SYTL3: variants seen among roughly 807,000 people sequenced by gnomAD.
SYTL3 encodes synaptotagmin like 3.
A neutral mutation model predicts 82.1 loss-of-function variants in SYTL3; 88 were observed. The observed-to-expected ratio is 1.07, with a 90% CI of 0.90 to 1.28. The LOEUF (loss-of-function observed/expected upper bound fraction) is 1.28, where lower values mean the gene tolerates loss of function less well. SYTL3 is among the 50% of genes most tolerant of loss of function. The pLI, the probability that SYTL3 is intolerant of heterozygous loss-of-function variation, is 0.00. For synonymous variants in SYTL3, 311 were observed against 289.4 expected (o/e 1.07, Z -0.76); for missense variants, 831 against 757.6 (o/e 1.10, Z -1.14).
intron 2 of SYTL3, among the ~76,000 whole-genome samples, chr6:158,660,519 G>C (rs1452244288): frequency 2.0e-5 from 3 of 152,248 alleles, no homozygotes; most frequent in African/African-American, 7.2e-5. Context: ...GCTTTGTAAT[G>C]ATCATTGAAC....
At chr6:158,734,086 C>A (rs1785808687) in intron 11 of SYTL3, among the ~76,000 whole-genome samples, 1 of 119,850 alleles carries the variant, frequency 8.3e-6, no homozygotes, top group Non-Finnish European at 1.6e-5. Context: ...CAGAGCGAGA[C>A]CCTGTCTCAA....
In SYTL3 at chr6:158,757,250, C is replaced by CA. The variant is rs753181828; in HGVS notation, c.1178dup (p.Val394GlyfsTer28). On this transcript the variant is annotated frameshift_variant, in exon 14 of 18. Transcript: ENST00000611299. LOFTEE classifies it high-confidence loss of function. ...TGCCCAGCTGGTGACCCGGCAGCTG[C>CA]AGGTCTCGGTGTGGCATCTGGGCAC... The CA allele has an allele frequency of 6.2e-7, 1 of 1,612,422 alleles. No individual in the cohort carries two copies. The highest frequency in any genetic ancestry group is 2.2e-5 in the East Asian group (1 of 44,844).
At chr6:158,717,896 ACT>A (rs1466653991) in intron 9 of SYTL3, among the ~76,000 whole-genome samples, 189 bp from the exon 10 acceptor site, 1 of 152,148 alleles carries the variant, frequency 6.6e-6, no homozygotes, top group South Asian at 2.1e-4. Flanking sequence ...GACCCAGCAC[ACT>A]GTCTGCTCAC....
intron 12 of SYTL3, 55 bp from the exon 13 acceptor site, chr6:158,751,873 T>G (rs1448124481): frequency 1.2e-5 from 16 of 1,353,166 alleles, no homozygotes; most frequent in Non-Finnish European, 1.5e-5. Flanking sequence ...CCCAAACTCT[T>G]TATCCACCCC....
chr6:158,653,919 A>G (rs1265781615), intron 2 of SYTL3, among the ~76,000 whole-genome samples: 1 of 152,244 alleles, frequency 6.6e-6, no homozygotes, highest in Non-Finnish European at 1.5e-5. Context: ...ATTGGATGAA[A>G]GAAATAGGGG....
chr6:158,742,128 C>T (rs1018141335), intron 11 of SYTL3, among the ~76,000 whole-genome samples: 1 of 152,188 alleles, frequency 6.6e-6, no homozygotes, highest in Admixed American at 6.5e-5. Context: ...TGTCTAACAT[C>T]ATTTCCATAG....
In SYTL3 at chr6:158,674,085, AAATAATAATAATAAT is replaced by A. The variant is rs71298903; in HGVS notation, c.329+8494_329+8508del. Among the ~76,000 whole-genome samples, 38 of 126,048 alleles carry A rather than the reference AAATAATAATAATAAT, an allele frequency of 3.0e-4. 1 individual carries two copies. The East Asian group carries it at 0.014, about 48-fold the overall frequency. 82.7% of individuals were successfully genotyped at this position (126,048 alleles called of 152,430 possible). ...GGCAACATAGTGAGACTGTGTCTCA[AAATAATAATAATAAT>A]AATAATAATAATAATAATAATGATG... On this transcript the variant is annotated intron_variant, in intron 5 of 17. Transcript: ENST00000611299.
chr6:158,715,054 G>GT (rs1305112705), intron 9 of SYTL3, among the ~76,000 whole-genome samples: 1 of 152,192 alleles, frequency 6.6e-6, no homozygotes, highest in African/African-American at 2.4e-5. Context: ...CTCTCTGACA[G>GT]TAACCCCTGC....
chr6:158,685,221 T>TC, intron 6 of SYTL3, among the ~76,000 whole-genome samples: 1 of 151,346 alleles, frequency 6.6e-6, no homozygotes, highest in East Asian at 1.9e-4. Context: ...TCTCTCTTTT[T>TC]TTTTTTTTTT....
At chr6:158,675,811 G>A (rs888913683) in intron 5 of SYTL3, among the ~76,000 whole-genome samples, 11 of 152,232 alleles carry the variant, frequency 7.2e-5, no homozygotes, top group South Asian at 2.1e-4. Flanking sequence ...TTAGCCGGGC[G>A]CGGTGGTGGG....
chr6:158,693,855 C>CTTTTCTTTTTTTTTTTTTTTTTTTTTTT (rs71030191), intron 6 of SYTL3, among the ~76,000 whole-genome samples: 1 of 96,866 alleles, frequency 1.0e-5, no homozygotes, highest in Non-Finnish European at 1.9e-5. Flanking sequence ...TTTTTCTTTT[C>CTTTTCTTTTTTTTTTTTTTTTTTTTTTT]TTTTTTTTTT....
chr6:158,764,719 T>TC lies in SYTL3; in HGVS notation c.*117dup. Reference sequence around the variant, plus strand: ...GAGACCCCTTTGACCTTGAGCAGTCTCCATCTGCGGCCCTGTCCCATGGCT... The same window carrying TC: ...GAGACCCCTTTGACCTTGAGCAGTCTCCCATCTGCGGCCCTGTCCCATGGCT... On this transcript the variant is annotated 3_prime_UTR_variant, in exon 18 of 18. Transcript: ENST00000611299. 1 of 701,856 alleles carries TC rather than the reference T, an allele frequency of 1.4e-6. No individual in the cohort carries two copies. The highest frequency in any genetic ancestry group is 2.6e-5 in the East Asian group (1 of 39,078). The allele number at this position is 701,856 out of a possible 1,614,324, so 43.5% of individuals were successfully genotyped here. A position where few individuals can be genotyped will look rare whatever the true frequency, so the allele number is the denominator to read the frequency against.
intron 6 of SYTL3, among the ~76,000 whole-genome samples, chr6:158,703,243 G>A (rs1318912901): frequency 6.6e-6 from 1 of 151,852 alleles, no homozygotes; most frequent in East Asian, 1.9e-4. Flanking sequence ...GCCGTGCCTG[G>A]CAGACACGGC....
intron 2 of SYTL3, among the ~76,000 whole-genome samples, chr6:158,656,350 C>T (rs539357473): frequency 2.6e-5 from 4 of 152,206 alleles, no homozygotes; most frequent in East Asian, 3.9e-4. Flanking sequence ...TGCATGTGGT[C>T]GTTTGCCTGC....
chr6:158,709,617 A>G (rs1782537549), intron 8 of SYTL3, among the ~76,000 whole-genome samples: 1 of 152,172 alleles, frequency 6.6e-6, no homozygotes, highest in Admixed American at 6.5e-5. Flanking sequence ...TGTCTTGGTT[A>G]TCTTCATTAT....
At chr6:158,753,007 C>T (rs1007642937) in intron 13 of SYTL3, among the ~76,000 whole-genome samples, 3 of 151,620 alleles carry the variant, frequency 2.0e-5, no homozygotes, top group African/African-American at 7.3e-5. Flanking sequence ...CCACAAAGGA[C>T]TGGCAGTTCT....
chr6:158,681,484 C>T (rs1778690206), intron 5 of SYTL3, among the ~76,000 whole-genome samples: 1 of 152,120 alleles, frequency 6.6e-6, no homozygotes, highest in South Asian at 2.1e-4. Context: ...TCGAGACCAG[C>T]TTGGCTGACA....
At chr6:158,689,839 A>G (rs1279717419) in intron 6 of SYTL3, among the ~76,000 whole-genome samples, 1 of 152,064 alleles carries the variant, frequency 6.6e-6, no homozygotes, top group Non-Finnish European at 1.5e-5. Flanking sequence ...TTTTTAGTAG[A>G]GACGGGGTTT....
chr6:158,757,791 C>G (rs1299915465), intron 14 of SYTL3, among the ~76,000 whole-genome samples: 1 of 152,216 alleles, frequency 6.6e-6, no homozygotes, highest in Non-Finnish European at 1.5e-5. Context: ...ACCCCAGGCA[C>G]TCTCAATAAT....
Sources: allele counts gnomAD v4.1 joint callset (sites outside exome capture counted in the v4.1 genomes callset), GRCh38; gene constraint gnomAD v4.1.1; transcripts MANE v1.5; gene names NCBI Gene and HGNC (gene_info 2026-07-23, HGNC 2026-07-21).